The following MEI4 variants were observed in gnomAD, a reference collection of about 807,000 sequenced individuals.
The protein encoded by MEI4 is meiosis-specific protein MEI4.
In MEI4, 27 loss-of-function variants were observed where a neutral mutation model predicts 31.4. That is an observed-to-expected ratio of 0.86 (90% CI 0.63 to 1.19). The LOEUF is 1.19. MEI4 is among the 50% of genes most tolerant of loss of function. The pLI is 0.00. For synonymous variants in MEI4, 122 were observed against 145.4 expected, an observed-to-expected ratio of 0.84 and a Z score of 1.16; for missense variants, 329 against 398.9, an observed-to-expected ratio of 0.82 and a Z score of 1.49.
At position 77,841,844 on chromosome 6, in the gene MEI4, G is replaced by C. The variant is rs1422347025; in HGVS notation, c.900+12782G>C. On this transcript the variant is annotated intron_variant, in intron 4 of 4. Transcript: ENST00000684080. ...AAACAAAGAACATCAACAGGGTAAA[G>C]AGAGATATTACATAATGAGAAAAGT... Among the ~76,000 whole-genome samples the C allele has an allele frequency of 2.0e-5, 3 of 152,098 alleles. No individual in the cohort carries two copies. In the South Asian group the frequency reaches 6.2e-4, roughly 31 times the overall value.
chr6:77,842,823 G>C (rs530723222), intron 4 of MEI4, among the ~76,000 whole-genome samples: 9 of 152,106 alleles, frequency 5.9e-5, no homozygotes, highest in Non-Finnish European at 1.3e-4. Context: ...CAACAAATTA[G>C]ATGAAAAGGA....
chr6:77,744,939 A>G (rs1000276240), intron 2 of MEI4, among the ~76,000 whole-genome samples: 2 of 152,230 alleles, frequency 1.3e-5, no homozygotes, highest in African/African-American at 4.8e-5. Context: ...TGTCACCACC[A>G]TGCCTGCCCT....
At chr6:77,706,801 C>A (rs546092456) in intron 2 of MEI4, among the ~76,000 whole-genome samples, 4 of 152,278 alleles carry the variant, frequency 2.6e-5, no homozygotes, top group Admixed American at 1.3e-4. Context: ...CCATGTGATA[C>A]ACCGGCTCCC....
chr6:77,697,829 T>A (rs1766093068), intron 2 of MEI4, among the ~76,000 whole-genome samples: 1 of 152,144 alleles, frequency 6.6e-6, no homozygotes, highest in Non-Finnish European at 1.5e-5. Context: ...CCTTGTTAAC[T>A]TTCTGTCTCA....
chr6:77,798,588 C>T (rs991947174), intron 3 of MEI4, among the ~76,000 whole-genome samples: 1 of 150,788 alleles, frequency 6.6e-6, no homozygotes, highest in African/African-American at 2.4e-5. Context: ...GTGTGCTGCA[C>T]CCATTAACTC....
intron 1 of MEI4, among the ~76,000 whole-genome samples, chr6:77,668,029 C>G (rs1339555055): frequency 1.3e-5 from 2 of 149,900 alleles, no homozygotes; most frequent in Non-Finnish European, 3.0e-5. Flanking sequence ...CCTGACAGTT[C>G]AATAACCTAG....
At chr6:77,870,584 T>TA (rs1771166316) in intron 4 of MEI4, among the ~76,000 whole-genome samples, 1 of 152,154 alleles carries the variant, frequency 6.6e-6, no homozygotes, top group South Asian at 2.1e-4. Context: ...CAACTTTTTT[T>TA]AAAGGCATTT....
chr6:77,657,734 A>G (rs940955709), intron 1 of MEI4, among the ~76,000 whole-genome samples: 20 of 152,008 alleles, frequency 1.3e-4, no homozygotes, highest in Non-Finnish European at 2.5e-4. Context: ...CTAATACCAT[A>G]TTCTTTAGTC....
At chr6:77,708,757 T>C (rs12204161) in intron 2 of MEI4, among the ~76,000 whole-genome samples, 56,869 of 151,860 alleles carry the variant, frequency 0.37, 11,929 homozygotes, top group East Asian at 0.5. Flanking sequence ...TAAAAGAGTG[T>C]GACACCTCCC....
At position 77,770,205 on chromosome 6, in the gene MEI4, G is replaced by A. The variant is rs149211807; in HGVS notation, c.768+8540G>A. On this transcript the variant is annotated intron_variant, in intron 3 of 4. Coordinates refer to ENST00000684080, the MANE Select transcript of MEI4 (RefSeq NM_001322247.2). ...AGCTACTTTGAACAACTATATGCCA[G>A]TAAATTGGAAAACCTAGAAGAATTA... is the stretch of plus-strand genomic sequence containing the variant. 1.4e-3 allele frequency among the ~76,000 whole-genome samples: 217 copies of A among 152,126 alleles called. 1 individual carries two copies. The highest frequency in any genetic ancestry group is 4.6e-3 in the African/African-American group (191 of 41,494).
chr6:77,921,200 A>G (rs1766694481), intron 4 of MEI4, among the ~76,000 whole-genome samples: 1 of 151,852 alleles, frequency 6.6e-6, no homozygotes, highest in African/African-American at 2.4e-5. Context: ...ACTTCTTGAT[A>G]ACTTTCTGCA....
At chr6:77,653,038 T>C (rs1768327269), upstream of MEI4, among the ~76,000 whole-genome samples, 1 of 152,196 alleles carries the variant, frequency 6.6e-6, no homozygotes, top group South Asian at 2.1e-4. Flanking sequence ...CTCCCACCCC[T>C]GATGAGGCGT....
chr6:77,816,524 T>A (rs1247486713), intron 3 of MEI4, among the ~76,000 whole-genome samples: 2 of 152,182 alleles, frequency 1.3e-5, no homozygotes, highest in African/African-American at 4.8e-5. Flanking sequence ...CCACATTTTC[T>A]TAATCCAGTC....
intron 4 of MEI4, among the ~76,000 whole-genome samples, chr6:77,862,291 G>A (rs1367711173): frequency 2.0e-5 from 3 of 152,208 alleles, no homozygotes; most frequent in Non-Finnish European, 4.4e-5. Context: ...CCTCACCTGG[G>A]AAGTGCAAGG....
intron 2 of MEI4, among the ~76,000 whole-genome samples, chr6:77,698,364 G>C (rs959511137): frequency 4.6e-5 from 7 of 152,162 alleles, no homozygotes; most frequent in Admixed American, 6.5e-5. Context: ...TCCTAGCCTG[G>C]ATGGTCTTTA....
chr6:77,750,206 C>T (rs1240604572), intron 2 of MEI4, among the ~76,000 whole-genome samples: 2 of 152,154 alleles, frequency 1.3e-5, no homozygotes, highest in African/African-American at 4.8e-5. Flanking sequence ...GAAGAAACTG[C>T]ATCAACTAAC....
intron 1 of MEI4, among the ~76,000 whole-genome samples, chr6:77,680,262 G>C (rs1174931843): frequency 6.6e-6 from 1 of 151,446 alleles, no homozygotes; most frequent in African/African-American, 2.4e-5. Context: ...CTGGGCGAGT[G>C]AGACTCCATC....
At chr6:77,904,467 C>A (rs757446586) in intron 4 of MEI4, among the ~76,000 whole-genome samples, 1 of 152,060 alleles carries the variant, frequency 6.6e-6, no homozygotes, top group Non-Finnish European at 1.5e-5. Context: ...CTCCCACCCC[C>A]CACTCTCAAG....
At chr6:77,733,320 A>G (rs1767068977) in intron 2 of MEI4, among the ~76,000 whole-genome samples, 1 of 152,080 alleles carries the variant, frequency 6.6e-6, no homozygotes, top group Non-Finnish European at 1.5e-5. Context: ...TTATTGGTCT[A>G]TTCAGAGATT....
Sources: gnomAD v4.1 joint callset for allele counts (sites outside exome capture counted in the v4.1 genomes callset) on GRCh38, gnomAD v4.1.1 for gene constraint, MANE v1.5 for transcripts, NCBI Gene and HGNC (gene_info 2026-07-23, HGNC 2026-07-21) for gene names.